The following ARPP21 variants were observed in gnomAD, a reference collection of about 807,000 sequenced individuals.
The protein encoded by ARPP21 is cAMP regulated phosphoprotein 21, also known as cAMP-regulated phosphoprotein 21.
Under a neutral mutation model 113.2 loss-of-function variants are expected in ARPP21, and 69 were observed. That is an observed-to-expected ratio of 0.61 (90% confidence interval 0.50 to 0.74). The LOEUF (loss-of-function observed/expected upper bound fraction) is 0.74. ARPP21 is among the 30% of genes least tolerant of loss of function. ARPP21 has a pLI of 0.00. For synonymous variants in ARPP21, 368 were observed against 375.5 expected (o/e 0.98, Z 0.23); for missense variants, 1,070 against 1,037.4 (o/e 1.03, Z -0.43).
At chr3:35,712,612 A>T (rs1173160914) in intron 11 of ARPP21, among the ~76,000 whole-genome samples, 1 of 151,648 alleles carries the variant, frequency 6.6e-6, no homozygotes, top group Non-Finnish European at 1.5e-5. Flanking sequence ...TTTTGTATAC[A>T]GGCACATAAA....
At chr3:35,681,926 G>T in intron 3 of ARPP21, 46 bp downstream of exon 3, 1 of 1,568,320 alleles carries the variant, frequency 6.4e-7, no homozygotes, top group Non-Finnish European at 8.6e-7. Context: ...ACTGTGTGCA[G>T]CTCCCTTCTT....
chr3:35,778,136 T>C (rs2096426221), intron 19 of ARPP21, among the ~76,000 whole-genome samples: 1 of 152,208 alleles, frequency 6.6e-6, no homozygotes, highest in African/African-American at 2.4e-5. Flanking sequence ...TGTTCATCTC[T>C]TTTAAAAAAT....
chr3:35,729,465 G>T lies in ARPP21; in HGVS notation c.1388G>T (p.Ser463Ile). 2 of 1,614,224 alleles carry T rather than the reference G, an allele frequency of 1.2e-6. No homozygotes were observed. The highest frequency in any genetic ancestry group is 1.7e-6 in the Non-Finnish European group (2 of 1,180,044). ...IGGQVAPSST[S>I]YILLPLEAAT... is the part of the protein sequence containing the mutation. ...GGCCAGGTTGCTCCCAGCAGCACCAGCTACATCCTCCTTCCACTTGAAGCT... is the reference window on the plus strand; with the variant it reads ...GGCCAGGTTGCTCCCAGCAGCACCATCTACATCCTCCTTCCACTTGAAGCT... Residue 463 changes from serine (S) to isoleucine (I), a missense_variant, in exon 15 of 21, where the codon AGC becomes ATC. Ser to Ile is a moderately radical substitution (Grantham distance 142). Transcript: ENST00000684406.
At chr3:35,699,524 G>C (rs2085447997) in intron 9 of ARPP21, among the ~76,000 whole-genome samples, 1 of 151,684 alleles carries the variant, frequency 6.6e-6, no homozygotes, top group African/African-American at 2.4e-5. Context: ...GCACATTTAT[G>C]TAACACATTT....
chr3:35,692,417 T>G (rs2082495618), intron 9 of ARPP21, among the ~76,000 whole-genome samples: 1 of 151,666 alleles, frequency 6.6e-6, no homozygotes, highest in Non-Finnish European at 1.5e-5. Flanking sequence ...TTTAATGGCT[T>G]TTAGATATCA....
At chr3:35,717,953 A>G (rs1174542416) in intron 13 of ARPP21, among the ~76,000 whole-genome samples, 1 of 152,110 alleles carries the variant, frequency 6.6e-6, no homozygotes, top group African/African-American at 2.4e-5. Context: ...CCATTTTCTC[A>G]CTGCTCTATT....
At chr3:35,762,273 C>T (rs2095812063) in intron 19 of ARPP21, among the ~76,000 whole-genome samples, 1 of 151,960 alleles carries the variant, frequency 6.6e-6, no homozygotes, top group South Asian at 2.1e-4. Context: ...TAAAAATATT[C>T]TCCTTTGTGC....
chr3:35,666,059 C>T (rs115379550), intron 1 of ARPP21, among the ~76,000 whole-genome samples: 2,371 of 152,086 alleles, frequency 0.016, 58 homozygotes, highest in African/African-American at 0.054. Context: ...GAAGTAGGAG[C>T]TGATTAAAAG....
intron 20 of ARPP21, among the ~76,000 whole-genome samples, chr3:35,793,193 C>T (rs764960043): frequency 2.6e-5 from 4 of 152,202 alleles, no homozygotes; most frequent in Admixed American, 6.5e-5. Flanking sequence ...TCAACTTCTA[C>T]CTCCACCTCC....
chr3:35,680,782 CTCCT>C (rs1417783740), intron 2 of ARPP21: 1 of 145,004 alleles, frequency 6.9e-6, no homozygotes, highest in East Asian at 2.2e-4. Flanking sequence ...CTCCTCCTCC[CTCCT>C]TCTCTTTCTT....
At chr3:35,783,444 C>G (rs909179159) in intron 19 of ARPP21, among the ~76,000 whole-genome samples, 12 of 152,014 alleles carry the variant, frequency 7.9e-5, no homozygotes, top group Middle Eastern at 3.2e-3. Flanking sequence ...TCTTTCACCC[C>G]CTCCTTGCCG....
rs2075275327 is a variant in ARPP21, at chr3:35,668,017, GAAGAAGAAGA to G, written c.-212-11768_-212-11759del. On this transcript the variant is annotated intron_variant, in intron 1 of 20. Coordinates refer to ENST00000684406, the MANE Select transcript of ARPP21 (RefSeq NM_001385562.1). Reference sequence around the variant, plus strand: ...AGAAGAAGAAGAAGAAGAAGAAGAAGAAGAAGAAGAAGAAGGAGAAGAAGAAGAAAGAAGA... The same window carrying G: ...AGAAGAAGAAGAAGAAGAAGAAGAAGAGAAGGAGAAGAAGAAGAAAGAAGA... Among the ~76,000 whole-genome samples, 28 of 149,588 alleles carry G rather than the reference GAAGAAGAAGA, an allele frequency of 1.9e-4. 1 individual carries two copies. The highest frequency in any genetic ancestry group is 6.2e-4 in the African/African-American group (25 of 40,008).
chr3:35,769,412 G>T (rs1265892641), intron 19 of ARPP21, among the ~76,000 whole-genome samples: 3 of 152,130 alleles, frequency 2.0e-5, no homozygotes, highest in Non-Finnish European at 4.4e-5. Context: ...AGACATTTCT[G>T]CTCACAAGAT....
chr3:35,764,081 A>C (rs990559038), intron 19 of ARPP21, among the ~76,000 whole-genome samples: 4 of 152,140 alleles, frequency 2.6e-5, no homozygotes, highest in Non-Finnish European at 5.9e-5. Context: ...ATGAAAAAAA[A>C]AGTACATTTA....
At chr3:35,675,846 G>C (rs1342473373) in intron 1 of ARPP21, among the ~76,000 whole-genome samples, 2 of 151,012 alleles carry the variant, frequency 1.3e-5, no homozygotes, top group African/African-American at 4.9e-5. Context: ...ATAGCATTTA[G>C]TAGGTACTGG....
intron 19 of ARPP21, chr3:35,774,711 C>T (rs1165397265): frequency 6.6e-6 from 1 of 152,022 alleles, no homozygotes; most frequent in Non-Finnish European, 1.5e-5. Flanking sequence ...TTTATATGTG[C>T]CTATGTACAA....
At chr3:35,684,905 T>C (rs2080097578) in intron 5 of ARPP21, 3 of 985,374 alleles carry the variant, frequency 3.0e-6, no homozygotes, top group Non-Finnish European at 3.6e-6. Context: ...TGCTTTATTT[T>C]ACTTGGGCTC....
chr3:35,787,204 T>C (rs1203771466), intron 19 of ARPP21, among the ~76,000 whole-genome samples: 1 of 152,218 alleles, frequency 6.6e-6, no homozygotes, highest in Non-Finnish European at 1.5e-5. Flanking sequence ...CTTCTTTTTT[T>C]ATAACCTAAT....
chr3:35,662,863 A>C (rs1708443414), intron 1 of ARPP21, among the ~76,000 whole-genome samples: 1 of 152,162 alleles, frequency 6.6e-6, no homozygotes, highest in Non-Finnish European at 1.5e-5. Context: ...GGAGCTAAAA[A>C]TTTTGATCAC....
Sources: gnomAD v4.1 joint callset for allele counts (sites outside exome capture counted in the v4.1 genomes callset) on GRCh38, gnomAD v4.1.1 for gene constraint, MANE v1.5 for transcripts, NCBI Gene and HGNC (gene_info 2026-07-23, HGNC 2026-07-21) for gene names.